Variants in IPO11 observed in about 807,000 individuals in gnomAD.
The protein encoded by IPO11 is importin-11.
IPO11 carries 66 observed loss-of-function variants against 143.2 expected under a neutral mutation model. The observed-to-expected ratio is 0.46, with a 90% CI of 0.38 to 0.57. The LOEUF is 0.57. Among genes scored for constraint, IPO11 ranks in the 20% least tolerant of loss-of-function variants. The pLI, the probability that IPO11 is intolerant of heterozygous loss-of-function variation, is 0.00. For synonymous variants in IPO11, 385 were observed against 377.8 expected (o/e 1.02, Z -0.22); for missense variants, 1,026 against 1,141.0 (o/e 0.90, Z 1.45).
intron 26 of IPO11, among the ~76,000 whole-genome samples, chr5:62,553,362 G>T (rs1024873906): frequency 6.6e-6 from 1 of 151,536 alleles, no homozygotes; most frequent in African/African-American, 2.4e-5. Flanking sequence ...GTGTGTGTGT[G>T]TGATATTTTC....
chr5:62,510,011 G>T (rs924859662), intron 19 of IPO11, among the ~76,000 whole-genome samples: 5 of 152,098 alleles, frequency 3.3e-5, no homozygotes, highest in African/African-American at 1.2e-4. Context: ...TACATTCCTA[G>T]CAACAGTGTA....
In IPO11 at chr5:62,504,701, A is replaced by G. The variant is rs1741484261; in HGVS notation, c.1624+1A>G. ...GAAACAGCTACAACTTTGAAGTTAA[A>G]TATCCTTCTGAAAATTTAAAAATAC... On this transcript the variant is annotated splice_donor_variant, in intron 17 of 29. Coordinates refer to ENST00000325324, the MANE Select transcript of IPO11 (RefSeq NM_016338.5). LOFTEE classifies it high-confidence loss of function. The G allele has an allele frequency of 6.7e-7, 1 of 1,483,678 alleles. No homozygotes were observed. Among genetic ancestry groups the G allele is most frequent in the Non-Finnish European group, 9.2e-7 (1 of 1,083,658 alleles). 91.9% of individuals were successfully genotyped at this position (1,483,678 alleles called of 1,614,324 possible). A position where few individuals can be genotyped will look rare whatever the true frequency, so the allele number is the denominator to read the frequency against.
At chr5:62,583,229 A>C (rs1027965268) in intron 27 of IPO11, among the ~76,000 whole-genome samples, 1 of 152,122 alleles carries the variant, frequency 6.6e-6, no homozygotes, top group African/African-American at 2.4e-5. Context: ...TAATTACTAA[A>C]AGTACTTGTT....
At chr5:62,513,714 G>A (rs1169815008) in intron 19 of IPO11, among the ~76,000 whole-genome samples, 8 of 149,604 alleles carry the variant, frequency 5.3e-5, no homozygotes, top group Admixed American at 2.6e-4. Flanking sequence ...CGGACGGGGC[G>A]GCTGGCCGGG....
chr5:62,528,241 G>C (rs1370003937), intron 21 of IPO11, among the ~76,000 whole-genome samples: 1 of 152,194 alleles, frequency 6.6e-6, no homozygotes, highest in Admixed American at 6.5e-5. Context: ...AGAGGAGAAA[G>C]TGGTCAACTT....
intron 19 of IPO11, among the ~76,000 whole-genome samples, chr5:62,514,000 C>G (rs192892002): frequency 0.38 from 57,175 of 149,328 alleles, 11,687 homozygotes; most frequent in South Asian, 0.5. Context: ...GATGGGCTGC[C>G]GGGCAGAGAC....
chr5:62,493,905 A>T, intron 15 of IPO11, 93 bp from the exon 16 acceptor site: 1 of 1,147,158 alleles, frequency 8.7e-7, no homozygotes, highest in Non-Finnish European at 1.2e-6. Context: ...TTGCATTCTT[A>T]CTACATTTTA....
chr5:62,480,675 T>C (rs1746160958), intron 9 of IPO11, among the ~76,000 whole-genome samples: 1 of 152,186 alleles, frequency 6.6e-6, no homozygotes, highest in South Asian at 2.1e-4. Flanking sequence ...GTTGGATTCC[T>C]AGGTATTTTA....
At chr5:62,474,155 T>C (rs1745878300) in intron 7 of IPO11, among the ~76,000 whole-genome samples, 2 of 152,170 alleles carry the variant, frequency 1.3e-5, no homozygotes, top group African/African-American at 4.8e-5. Flanking sequence ...AACAGGATGC[T>C]TAAAAAGTAA....
intron 3 of IPO11, chr5:62,443,396 T>A (rs1359163684): frequency 6.5e-6 from 1 of 153,866 alleles, no homozygotes; most frequent in African/African-American, 3.5e-5. Context: ...TGTGTGTGTG[T>A]GTGTGTGTGT....
intron 20 of IPO11, among the ~76,000 whole-genome samples, chr5:62,518,743 A>G (rs1294080429): frequency 6.6e-6 from 1 of 152,158 alleles, no homozygotes; most frequent in Non-Finnish European, 1.5e-5. Flanking sequence ...AATCCTGGAA[A>G]TCCAGATTCT....
chr5:62,473,751 A>G (rs1195166334), intron 7 of IPO11, among the ~76,000 whole-genome samples: 1 of 152,102 alleles, frequency 6.6e-6, no homozygotes, highest in African/African-American at 2.4e-5. Flanking sequence ...AAAATTTTTA[A>G]GTTTTTTTCA....
At chr5:62,455,322 C>T (rs1384110204) in intron 5 of IPO11, among the ~76,000 whole-genome samples, 1 of 152,138 alleles carries the variant, frequency 6.6e-6, no homozygotes, top group Non-Finnish European at 1.5e-5. Context: ...GAGTTCGAGA[C>T]CAGCCTGGGC....
chr5:62,519,143 A>G (rs1742125673), intron 20 of IPO11, among the ~76,000 whole-genome samples: 1 of 152,184 alleles, frequency 6.6e-6, no homozygotes, highest in Non-Finnish European at 1.5e-5. Context: ...TGTTATTTAG[A>G]TGGTGGTTTA....
rs1475568225 is a variant in IPO11 at position 62,430,802 on chromosome 5, C to T, written c.-6-6472C>T. 4.0e-5 allele frequency among the ~76,000 whole-genome samples: 6 copies of T among 151,080 alleles called. No individual in the cohort carries two copies. The East Asian group carries it at 5.9e-4, about 15-fold the overall frequency. On this transcript the variant is annotated intron_variant, in intron 1 of 29. Transcript: ENST00000325324. The stretch of plus-strand genomic sequence containing the variant: ...ACACGATTCCCCTGCCTCAGCCTCC[C>T]GAGTAGCTGGGATTACAGGCGTGCA...
At chr5:62,561,287 C>T (rs1464777866) in intron 27 of IPO11, 30 bp downstream of exon 27, 1 of 1,204,708 alleles carries the variant, frequency 8.3e-7, no homozygotes, top group African/African-American at 1.5e-5. Flanking sequence ...AAATTTGTTT[C>T]TTTCAAGCAT....
chr5:62,502,325 G>A (rs1360972384), intron 16 of IPO11, among the ~76,000 whole-genome samples: 2 of 152,186 alleles, frequency 1.3e-5, no homozygotes, highest in African/African-American at 4.8e-5. Context: ...CACTCCACAA[G>A]TCTTCATTCT....
chr5:62,591,934 C>A (rs546949424), intron 28 of IPO11, among the ~76,000 whole-genome samples: 2 of 152,322 alleles, frequency 1.3e-5, no homozygotes, highest in African/African-American at 4.8e-5. Context: ...ACCGCAACCT[C>A]CGCCTCCCAG....
At chr5:62,563,237 T>C (rs918208153) in intron 27 of IPO11, among the ~76,000 whole-genome samples, 1 of 152,224 alleles carries the variant, frequency 6.6e-6, no homozygotes, top group Non-Finnish European at 1.5e-5. Flanking sequence ...GTTTTTAATA[T>C]TGAAATGTTA....
Sources: gnomAD v4.1 joint callset for allele counts (sites outside exome capture counted in the v4.1 genomes callset) on GRCh38, gnomAD v4.1.1 for gene constraint, MANE v1.5 for transcripts, NCBI Gene and HGNC (gene_info 2026-07-23, HGNC 2026-07-21) for gene names.